CMIP: variants seen among roughly 807,000 people sequenced by gnomAD.
CMIP encodes C-Maf-inducing protein.
In CMIP, 13 loss-of-function variants were observed where a neutral mutation model predicts 97.3. That is an observed-to-expected ratio of 0.13 (90% CI 0.09 to 0.21). The LOEUF (loss-of-function observed/expected upper bound fraction) is 0.21. Ranked by LOEUF, CMIP falls within the 10% of genes least tolerant of loss-of-function variation. CMIP has a pLI of 1.00. For synonymous variants in CMIP, 538 were observed against 436.3 expected (o/e 1.23, Z -2.91); for missense variants, 847 against 1,024.9 (o/e 0.83, Z 2.37).
intron 1 of CMIP, among the ~76,000 whole-genome samples, chr16:81,538,868 T>C (rs1412968718): frequency 2.6e-5 from 4 of 152,220 alleles, no homozygotes; most frequent in African/African-American, 9.6e-5. Context: ...TAATTTTATC[T>C]GTATCCAGTG....
At chr16:81,513,476 G>A (rs1044523334) in intron 1 of CMIP, among the ~76,000 whole-genome samples, 28 of 152,212 alleles carry the variant, frequency 1.8e-4, no homozygotes, top group African/African-American at 6.8e-4. Context: ...TTTCCACCCC[G>A]GGATTCTCCA....
At chr16:81,641,692 C>T (rs920436198) in intron 3 of CMIP, among the ~76,000 whole-genome samples, 2 of 152,150 alleles carry the variant, frequency 1.3e-5, no homozygotes, top group African/African-American at 4.8e-5. Flanking sequence ...AGGCGTTTTC[C>T]CCTCTTGCAA....
chr16:81,687,349 T>G (rs193004589), intron 10 of CMIP, among the ~76,000 whole-genome samples: 1 of 152,154 alleles, frequency 6.6e-6, no homozygotes, highest in Non-Finnish European at 1.5e-5. Context: ...TGGGGACTGC[T>G]CCAGTGGCCA....
At chr16:81,481,999 C>G (rs1157987331) in intron 1 of CMIP, among the ~76,000 whole-genome samples, 1 of 152,028 alleles carries the variant, frequency 6.6e-6, no homozygotes, top group Non-Finnish European at 1.5e-5. Flanking sequence ...GTGCCTCAGC[C>G]TCCTGAGTAG....
Position 81,614,858 on chromosome 16 carries a change from G to C in CMIP, c.427-6018G>C, listed in dbSNP as rs554129585. Among the ~76,000 whole-genome samples the C allele has an allele frequency of 6.6e-6, 1 of 151,834 alleles. No homozygotes were observed. The highest frequency in any genetic ancestry group is 2.1e-4 in the South Asian group (1 of 4,792). The stretch of plus-strand genomic sequence containing the variant: ...ACGGTGTGTATGCACATGTATCTCT[G>C]TGTGTGCATGTGTGTGTGGTATGTG... On this transcript the variant is annotated intron_variant, in intron 2 of 20. Coordinates refer to ENST00000537098, the MANE Select transcript of CMIP (RefSeq NM_198390.3). The surrounding 1 kb of genome is among the most constrained non-coding windows in gnomAD (Gnocchi z 5.3).
At chr16:81,582,740 T>C (rs2091316649) in intron 1 of CMIP, among the ~76,000 whole-genome samples, 1 of 152,130 alleles carries the variant, frequency 6.6e-6, no homozygotes, top group South Asian at 2.1e-4. Flanking sequence ...TTGCTTGGGT[T>C]TCCAAGACCA....
chr16:81,575,586 AC>A (rs2091174980), intron 1 of CMIP, among the ~76,000 whole-genome samples: 1 of 151,900 alleles, frequency 6.6e-6, no homozygotes, highest in South Asian at 2.1e-4. Flanking sequence ...TGGAGCCAAC[AC>A]CCCCAGGACA....
intron 1 of CMIP, among the ~76,000 whole-genome samples, chr16:81,523,386 C>A (rs1403364555): frequency 2.0e-5 from 3 of 152,196 alleles, no homozygotes; most frequent in African/African-American, 4.8e-5. Context: ...AGTGCGAGGC[C>A]TGAATGGGGG....
chr16:81,554,146 G>A (rs770919035), intron 1 of CMIP, among the ~76,000 whole-genome samples: 17 of 152,186 alleles, frequency 1.1e-4, no homozygotes, highest in Non-Finnish European at 1.3e-4. Context: ...CATTGAGGGC[G>A]GATACCCAAT....
At chr16:81,588,771 C>A (rs2091422396) in intron 1 of CMIP, among the ~76,000 whole-genome samples, 1 of 152,116 alleles carries the variant, frequency 6.6e-6, no homozygotes, top group African/African-American at 2.4e-5. Flanking sequence ...CACAGCAGGC[C>A]CTCTGTGCTG....
chr16:81,500,430 C>CCTCT (rs1225346969), intron 1 of CMIP, among the ~76,000 whole-genome samples: 1 of 125,924 alleles, frequency 7.9e-6, no homozygotes, highest in South Asian at 2.8e-4. Flanking sequence ...CCCCTCCCTC[C>CCTCT]CTCTCTCTCT....
intron 2 of CMIP, among the ~76,000 whole-genome samples, chr16:81,615,292 G>A (rs903445689): frequency 2.0e-5 from 1 of 50,218 alleles, no homozygotes; most frequent in African/African-American, 8.4e-5. Context: ...TGTGGTGTGT[G>A]TGCATGTGTA....
chr16:81,560,520 A>G (rs1294714417), intron 1 of CMIP, among the ~76,000 whole-genome samples: 3 of 152,126 alleles, frequency 2.0e-5, no homozygotes, highest in Non-Finnish European at 1.5e-5. Flanking sequence ...GCCCAGCCAG[A>G]AAAACAATTT....
chr16:81,458,915 TG>T (rs1250811080), intron 1 of CMIP, among the ~76,000 whole-genome samples: 1 of 152,118 alleles, frequency 6.6e-6, no homozygotes. Context: ...ACACGTGGCA[TG>T]TGCTCAACAG....
chr16:81,603,350 G>A, intron 1 of CMIP: 1 of 453,710 alleles, frequency 2.2e-6, no homozygotes, highest in Non-Finnish European at 4.4e-6. Flanking sequence ...CCAAAGTGCT[G>A]GGATTACAGG....
intron 1 of CMIP, among the ~76,000 whole-genome samples, chr16:81,571,983 G>T (rs926289898): frequency 4.6e-5 from 7 of 152,194 alleles, no homozygotes; most frequent in Non-Finnish European, 7.3e-5. Context: ...AGGGTGTCTC[G>T]GAAGAGTTGC....
intron 13 of CMIP, 122 bp downstream of exon 13, chr16:81,693,609 A>C (rs1286365047): frequency 1.9e-6 from 2 of 1,069,528 alleles, no homozygotes; most frequent in East Asian, 5.2e-5. Context: ...TCAGAGACCC[A>C]TTGCCTGTGT....
At chr16:81,458,044 G>A (rs1906670467) in intron 1 of CMIP, among the ~76,000 whole-genome samples, 1 of 152,232 alleles carries the variant, frequency 6.6e-6, no homozygotes, top group African/African-American at 2.4e-5. Flanking sequence ...TAAGAGAGAG[G>A]GGGAGAAATT....
chr16:81,569,042 C>T (rs552161649), intron 1 of CMIP, among the ~76,000 whole-genome samples: 55 of 152,262 alleles, frequency 3.6e-4, no homozygotes, highest in Non-Finnish European at 6.2e-4. Flanking sequence ...CTGGAGAACT[C>T]GCAGAGGTTT....
Sources: allele counts gnomAD v4.1 joint callset (sites outside exome capture counted in the v4.1 genomes callset), GRCh38; gene constraint gnomAD v4.1.1; non-coding constraint Gnocchi (gnomAD v3.1); transcripts MANE v1.5; gene names NCBI Gene and HGNC (gene_info 2026-07-23, HGNC 2026-07-21).